The following DNAH3 variants were observed in gnomAD, a reference collection of about 807,000 sequenced individuals.
The protein encoded by DNAH3 is axonemal beta dynein heavy chain 3.
In DNAH3, 332 loss-of-function variants were observed where a neutral mutation model predicts 432.5. That is an observed-to-expected ratio of 0.77 (90% CI 0.70 to 0.84). The LOEUF is 0.84. Ranked by LOEUF, DNAH3 falls within the 40% of genes least tolerant of loss-of-function variation. The pLI, the probability that DNAH3 is intolerant of heterozygous loss-of-function variation, is 0.00. For synonymous variants in DNAH3, 1,956 were observed against 1,900.2 expected (o/e 1.03, Z -0.76); for missense variants, 4,861 against 5,114.0 (o/e 0.95, Z 1.51).
intron 23 of DNAH3, among the ~76,000 whole-genome samples, chr16:21,068,843 C>T (rs1488921864): frequency 6.6e-6 from 1 of 151,812 alleles, no homozygotes; most frequent in Non-Finnish European, 1.5e-5. Flanking sequence ...TTAAATAATA[C>T]AAACTGCCTA....
exon 54 of DNAH3, chr16:20,959,220 A>G: frequency 6.2e-7 from 1 of 1,614,124 alleles, no homozygotes; most frequent in Non-Finnish European, 8.5e-7. Flanking sequence ...TCACCTCCTC[A>G]CAAATCTTCT....
exon 48 of DNAH3, chr16:20,985,592 G>C (rs760967941): frequency 1.2e-6 from 2 of 1,614,228 alleles, no homozygotes; most frequent in Admixed American, 3.3e-5. Context: ...ACAGTCAGCT[G>C]TTTCAGGTCA....
In DNAH3 at chr16:20,988,054, G is replaced by C. The variant is rs369563636; in HGVS notation, c.6613C>G (p.Arg2205Gly). 1.2e-6 allele frequency: 2 copies of C among 1,614,040 alleles called. No individual in the cohort carries two copies. The highest frequency in any genetic ancestry group is 1.1e-5 in the South Asian group (1 of 91,070). The change falls in exon 45 of 62, where the codon CGC becomes GGC. Residue 2205 changes from arginine (R) to glycine (G), a missense_variant. Physicochemically the swap from Arg to Gly is moderately radical, Grantham distance 125. Transcript: ENST00000261383. The stretch of plus-strand genomic sequence containing the variant: ...TTGATGGAAATGATATTCAGATGGC[G>C]AGTGAATCGTCCTGGGGAATACAAC...
At position 20,965,305 on chromosome 16, in the gene DNAH3, C is replaced by T. The variant is rs573637747; in HGVS notation, c.8579G>A (p.Arg2860Gln). Reference sequence around the variant, plus strand: ...TTCCGGGTGATTGATAAACCTTTCCCGGATCCGCTTCATGGTCAGTGGGGG... The same window carrying T: ...TTCCGGGTGATTGATAAACCTTTCCTGGATCCGCTTCATGGTCAGTGGGGG... The change falls in exon 53 of 62, where the codon CGG becomes CAG. Residue 2860 changes from arginine to glutamine, a missense_variant. Physicochemically the swap from Arg to Gln is conservative, Grantham distance 43. Coordinates refer to ENST00000261383, the Ensembl canonical transcript of DNAH3. 2.5e-5 allele frequency: 41 copies of T among 1,612,900 alleles called. 2 individuals carry two copies. In the South Asian group the frequency reaches 3.0e-4, roughly 12 times the overall value.
chr16:20,974,985 G>GTT lies in DNAH3; in HGVS notation c.8259+246_8259+247dup, dbSNP rs35783206. On this transcript the variant is annotated intron_variant, in intron 51 of 61. Transcript: ENST00000261383. Reference sequence around the variant, plus strand: ...AGATGCACGCCACCACACCTGGCTAGTTTTTTTTTTTTTTTTTTTTTTTAA... The same window carrying GTT: ...AGATGCACGCCACCACACCTGGCTAGTTTTTTTTTTTTTTTTTTTTTTTTTAA... Among the ~76,000 whole-genome samples the GTT allele has an allele frequency of 2.6e-4, 31 of 120,790 alleles. No individual in the cohort carries two copies. In the East Asian group the frequency reaches 2.8e-3, roughly 11 times the overall value. 79.2% of individuals were successfully genotyped at this position (120,790 alleles called of 152,430 possible).
chr16:21,004,533 A>G (rs1206540481), intron 41 of DNAH3, among the ~76,000 whole-genome samples: 3 of 151,976 alleles, frequency 2.0e-5, no homozygotes, highest in Non-Finnish European at 4.4e-5. Flanking sequence ...ACGCCCTGCT[A>G]ATTTTTGTAT....
chr16:21,075,031 G>A (rs1189764178), intron 21 of DNAH3, among the ~76,000 whole-genome samples: 1 of 152,206 alleles, frequency 6.6e-6, no homozygotes, highest in Non-Finnish European at 1.5e-5. Context: ...CAGACCTGCT[G>A]AATCAGAACC....
At chr16:20,996,830 TTGCAC>T (rs1242463857) in intron 44 of DNAH3, 2 of 161,956 alleles carry the variant, frequency 1.2e-5, no homozygotes, top group African/African-American at 4.8e-5. Flanking sequence ...GTGGATCAAG[TTGCAC>T]GTGAAGCAAT....
intron 18 of DNAH3, among the ~76,000 whole-genome samples, 173 bp downstream of exon 18, chr16:21,097,182 T>G (rs758740580): frequency 6.6e-6 from 1 of 152,172 alleles, no homozygotes; most frequent in Non-Finnish European, 1.5e-5. Flanking sequence ...TTCTCCACCT[T>G]CCATTTTTAT....
At chr16:20,985,981 A>C (rs2086175215) in intron 47 of DNAH3, among the ~76,000 whole-genome samples, 1 of 151,716 alleles carries the variant, frequency 6.6e-6, no homozygotes, top group African/African-American at 2.4e-5. Flanking sequence ...TCAGCCTCCC[A>C]AATAGCTGGG....
chr16:20,954,856 G>T, exon 55 of DNAH3: 1 of 1,614,136 alleles, frequency 6.2e-7, no homozygotes, highest in South Asian at 1.1e-5. Flanking sequence ...CGGCGTGGAA[G>T]AAACAAAGGC....
At chr16:20,961,605 G>T (rs1228257449) in intron 53 of DNAH3, among the ~76,000 whole-genome samples, 3 of 151,848 alleles carry the variant, frequency 2.0e-5, no homozygotes, top group African/African-American at 7.3e-5. Context: ...ATGAGAAGAG[G>T]AGATGAGGAC....
intron 48 of DNAH3, among the ~76,000 whole-genome samples, chr16:20,983,572 G>A (rs111267141): frequency 1.3e-5 from 2 of 152,176 alleles, no homozygotes; most frequent in African/African-American, 4.8e-5. Flanking sequence ...TATAGAAGTT[G>A]CTGTGAGGTC....
In DNAH3 at chr16:21,069,353, A is replaced by G. The variant is rs957078431; in HGVS notation, c.3381+62T>C. ...ACAAGTTTCAAGGAAGGTGACTAGA[A>G]TGCATAATGAGGAAACATTTGTATT... On this transcript the variant is annotated intron_variant, in intron 23 of 61. Coordinates refer to ENST00000261383, the Ensembl canonical transcript of DNAH3. The G allele has an allele frequency of 1.5e-5, 21 of 1,428,716 alleles. No individual in the cohort carries two copies. The Admixed American group carries it at 4.0e-4, about 27-fold the overall frequency. The allele number at this position is 1,428,716 out of a possible 1,614,324, so 88.5% of individuals were successfully genotyped here.
Position 21,034,093 on chromosome 16 carries a change from G to A in DNAH3, c.5086-8C>T. 1.9e-6 allele frequency: 3 copies of A among 1,579,226 alleles called. No individual in the cohort carries two copies. Among genetic ancestry groups the A allele is most frequent in the African/African-American group, 1.3e-5 (1 of 74,408 alleles). ...CAGCATCATTTCGTAGATCTGGGAG[G>A]AGACATCATTCATAAAAGAAGCTAA... On this transcript the variant is annotated splice_polypyrimidine_tract_variant and splice_region_variant and intron_variant, in intron 35 of 61. Transcript: ENST00000261383.
chr16:21,100,732 T>C (rs2091816484), intron 16 of DNAH3, among the ~76,000 whole-genome samples: 1 of 152,110 alleles, frequency 6.6e-6, no homozygotes, highest in Non-Finnish European at 1.5e-5. Flanking sequence ...GATGAAATGA[T>C]GGGGGAGAGA....
At chr16:21,035,411 G>C (rs1030575551) in intron 35 of DNAH3, among the ~76,000 whole-genome samples, 1 of 152,122 alleles carries the variant, frequency 6.6e-6, no homozygotes, top group Non-Finnish European at 1.5e-5. Context: ...ATAAGTAAAA[G>C]GGCAGGTAGC....
At chr16:21,095,397 C>G (rs960940465) in intron 18 of DNAH3, among the ~76,000 whole-genome samples, 11 of 152,204 alleles carry the variant, frequency 7.2e-5, no homozygotes, top group Non-Finnish European at 1.5e-4. Flanking sequence ...TCCAACAACT[C>G]GGATGAATCT....
At chr16:20,953,228 G>A (rs912881711) in intron 55 of DNAH3, among the ~76,000 whole-genome samples, 6 of 151,100 alleles carry the variant, frequency 4.0e-5, no homozygotes, top group Middle Eastern at 3.2e-3. Context: ...TCGTGATCTC[G>A]GCTGACTGCA....
Sources: gnomAD v4.1 joint callset for allele counts (sites outside exome capture counted in the v4.1 genomes callset) on GRCh38, gnomAD v4.1.1 for gene constraint, MANE v1.5 for transcripts, NCBI Gene and HGNC (gene_info 2026-07-23, HGNC 2026-07-21) for gene names.